The following CDH18 variants were observed in gnomAD, a reference collection of about 807,000 sequenced individuals.
The protein encoded by CDH18 is cadherin 18, also known as cadherin-18.
A neutral mutation model predicts 67.9 loss-of-function variants in CDH18; 31 were observed. The ratio of observed to expected loss-of-function variants is 0.46; its 90% CI spans 0.34 to 0.62. The LOEUF is 0.62. Ranked by LOEUF, CDH18 falls within the 20% of genes least tolerant of loss-of-function variation. The pLI is 0.01. For synonymous variants in CDH18, 362 were observed against 347.2 expected, an observed-to-expected ratio of 1.04 and a Z score of -0.48; for missense variants, 890 against 975.5, an observed-to-expected ratio of 0.91 and a Z score of 1.17.
intron 2 of CDH18, among the ~76,000 whole-genome samples, chr5:19,888,130 T>C (rs536741038): frequency 2.6e-5 from 4 of 152,294 alleles, no homozygotes; most frequent in East Asian, 3.9e-4. Context: ...TTAGCTTTGA[T>C]GTAAAATAGT....
intron 9 of CDH18, among the ~76,000 whole-genome samples, chr5:19,537,129 C>T (rs556799725): frequency 1.3e-5 from 2 of 152,170 alleles, no homozygotes; most frequent in African/African-American, 4.8e-5. Context: ...GTAAAGCAGA[C>T]AGTCTTTCAT....
intron 1 of CDH18, among the ~76,000 whole-genome samples, chr5:20,382,557 T>C (rs1423843153): frequency 2.6e-5 from 4 of 152,066 alleles, no homozygotes; most frequent in Admixed American, 1.3e-4. Flanking sequence ...CAGCATTGTA[T>C]GATCAATAGG....
intron 8 of CDH18, among the ~76,000 whole-genome samples, chr5:19,562,370 T>C (rs393094): frequency 1.3e-5 from 2 of 152,054 alleles, no homozygotes; most frequent in South Asian, 2.1e-4. Flanking sequence ...TTTGCTGTTA[T>C]AACATCCAAA....
At chr5:19,612,059 A>C (rs1466826854) in intron 6 of CDH18, among the ~76,000 whole-genome samples, 1 of 151,884 alleles carries the variant, frequency 6.6e-6, no homozygotes, top group African/African-American at 2.4e-5. Flanking sequence ...CAGTCACAGA[A>C]TGTATGGAAT....
At chr5:19,968,789 A>T (rs1170748490) in intron 2 of CDH18, among the ~76,000 whole-genome samples, 2 of 144,202 alleles carry the variant, frequency 1.4e-5, no homozygotes, top group African/African-American at 5.8e-5. Flanking sequence ...ATGGGCAAGG[A>T]CTTCATGTCT....
chr5:19,497,619 TTA>T (rs1169559230), intron 11 of CDH18, among the ~76,000 whole-genome samples: 3 of 152,264 alleles, frequency 2.0e-5, no homozygotes, highest in African/African-American at 7.2e-5. Flanking sequence ...TGTGTTACAT[TTA>T]GTTATTTAGC....
chr5:19,644,659 T>G (rs944224442), intron 5 of CDH18, among the ~76,000 whole-genome samples: 1 of 152,110 alleles, frequency 6.6e-6, no homozygotes, highest in African/African-American at 2.4e-5. Flanking sequence ...ATTCTCCATA[T>G]ATGGATCCTA....
At chr5:19,654,707 G>C (rs979440554) in intron 5 of CDH18, among the ~76,000 whole-genome samples, 2 of 152,154 alleles carry the variant, frequency 1.3e-5, no homozygotes, top group African/African-American at 4.8e-5. Flanking sequence ...CTTGTCTGGT[G>C]TCCAGGAAGA....
chr5:19,705,476 T>G lies in CDH18; in HGVS notation c.643+15871A>C, dbSNP rs374519246. ...CCTTAGAGGAGATCCTAGTCTCAGT[T>G]GCCCTCAACAATTAACAAAGGAGGC... On this transcript the variant is annotated intron_variant, in intron 5 of 12. Transcript: ENST00000382275. Among the ~76,000 whole-genome samples, 12 of 152,286 alleles carry G rather than the reference T, an allele frequency of 7.9e-5. No homozygotes were observed. The East Asian group carries it at 1.2e-3, about 15-fold the overall frequency.
chr5:20,407,381 A>G (rs1484757469), intron 1 of CDH18, among the ~76,000 whole-genome samples: 3 of 152,114 alleles, frequency 2.0e-5, no homozygotes, highest in Admixed American at 1.3e-4. Context: ...CAAAGGTTTT[A>G]GAGAACCCCC....
At chr5:19,701,667 T>C (rs1763263302) in intron 5 of CDH18, among the ~76,000 whole-genome samples, 1 of 151,992 alleles carries the variant, frequency 6.6e-6, no homozygotes, top group Non-Finnish European at 1.5e-5. Flanking sequence ...AAAGAGAAGA[T>C]AGTACCGCTT....
At chr5:20,289,003 C>G (rs563320282) in intron 1 of CDH18, among the ~76,000 whole-genome samples, 1 of 144,690 alleles carries the variant, frequency 6.9e-6, no homozygotes, top group Admixed American at 6.7e-5. Flanking sequence ...AGTAAGAATT[C>G]TTTGGATTCT....
Position 20,050,684 on chromosome 5 carries a change from G to C in CDH18, c.-517-58670C>G, listed in dbSNP as rs999989866. ...TTTCTTTCCTAAGGTCAATAAGAAG[G>C]TTAATGCTTAGCCATAGGCAGTTCA... On this transcript the variant is annotated intron_variant, in intron 2 of 14. Transcript: ENST00000507958. Among the ~76,000 whole-genome samples, 4 of 151,840 alleles carry C rather than the reference G, an allele frequency of 2.6e-5. No homozygotes were observed. In the East Asian group the frequency reaches 7.7e-4, roughly 29 times the overall value.
At chr5:19,977,257 C>G (rs967228025) in intron 2 of CDH18, among the ~76,000 whole-genome samples, 22 of 152,116 alleles carry the variant, frequency 1.4e-4, no homozygotes, top group African/African-American at 4.8e-4. Context: ...GAGTACCCAG[C>G]CAGGGTCTTT....
chr5:19,609,745 C>G (rs1309210563), intron 6 of CDH18, among the ~76,000 whole-genome samples: 2 of 151,966 alleles, frequency 1.3e-5, no homozygotes, highest in African/African-American at 2.4e-5. Flanking sequence ...CTGTCTCAGA[C>G]AGGTGATGAG....
chr5:19,735,658 G>T (rs149562751), intron 4 of CDH18, among the ~76,000 whole-genome samples: 6,645 of 152,184 alleles, frequency 0.044, 468 homozygotes, highest in African/African-American at 0.15. Context: ...GCCTCCCAAA[G>T]TGCTGGGATT....
chr5:19,698,956 C>T (rs960872496), intron 5 of CDH18, among the ~76,000 whole-genome samples: 1 of 152,008 alleles, frequency 6.6e-6, no homozygotes, highest in African/African-American at 2.4e-5. Flanking sequence ...GTTTCTCTTC[C>T]CTACAGGTTC....
intron 2 of CDH18, among the ~76,000 whole-genome samples, chr5:20,113,109 G>GATATTTTA (rs1273517179): frequency 6.6e-6 from 1 of 152,146 alleles, no homozygotes; most frequent in Admixed American, 6.6e-5. Context: ...ATAGGCAAGT[G>GATATTTTA]ATATTTTAAC....
rs114279444 is a variant in CDH18, at chr5:20,080,435, T to C, written c.-517-88421A>G. On this transcript the variant is annotated intron_variant, in intron 2 of 14. Coordinates refer to the CDH18 transcript ENST00000507958. ...TGGATGATATACAAGTATAGTCAAC[T>C]GAGTCGCATGGCTAGAGTACCAACA... Among the ~76,000 whole-genome samples, 324 of 152,272 alleles carry C rather than the reference T, an allele frequency of 2.1e-3. 2 individuals are homozygous for C. Among genetic ancestry groups the C allele is most frequent in the African/African-American group, 7.6e-3 (316 of 41,558 alleles).
Sources: gnomAD v4.1 joint callset for allele counts (sites outside exome capture counted in the v4.1 genomes callset) on GRCh38, gnomAD v4.1.1 for gene constraint, MANE v1.5 for transcripts, NCBI Gene and HGNC (gene_info 2026-07-23, HGNC 2026-07-21) for gene names.